ARHGEF7: variants seen among roughly 807,000 people sequenced by gnomAD.
ARHGEF7 encodes the protein Rho guanine nucleotide exchange factor 7.
Under a neutral mutation model 109.8 loss-of-function variants are expected in ARHGEF7, and 33 were observed. The ratio of observed to expected loss-of-function variants is 0.30; its 90% CI spans 0.23 to 0.40. The LOEUF is 0.40. Among genes scored for constraint, ARHGEF7 ranks in the 10% least tolerant of loss-of-function variants. The pLI is 1.00. For missense variants in ARHGEF7, 938 were observed against 1,098.5 expected (o/e 0.85, Z 2.07); for synonymous variants, 458 against 424.6 (o/e 1.08, Z -0.97).
chr13:111,280,284 A>G lies in ARHGEF7; in HGVS notation c.1519A>G (p.Thr507Ala), dbSNP rs773566073. Residue 507 changes from threonine (T) to alanine (A), a missense_variant, in exon 14 of 22, where the codon ACG becomes GCG. By Grantham distance (58) the Thr-to-Ala change is moderately conservative (BLOSUM62 0). Transcript: ENST00000646102. ...GGGTCTTTTTTAGGGAAAGCTTCCAACGACAGGAATGACAATCACAAAGCT... is the reference window on the plus strand; with the variant it reads ...GGGTCTTTTTTAGGGAAAGCTTCCAGCGACAGGAATGACAATCACAAAGCT... Reference protein sequence around the residue: ...SGFIYQGKLPTTGMTITKLED... With the variant: ...SGFIYQGKLPATGMTITKLED... 8 of 1,612,062 alleles carry G rather than the reference A, an allele frequency of 5.0e-6. No individual in the cohort carries two copies. The highest frequency in any genetic ancestry group is 3.3e-5 in the South Asian group (3 of 90,430).
chr13:111,262,993 T>C (rs1400718687), intron 8 of ARHGEF7, among the ~76,000 whole-genome samples: 1 of 152,210 alleles, frequency 6.6e-6, no homozygotes, highest in Non-Finnish European at 1.5e-5. Context: ...TGTCTGCATG[T>C]TATCACACTC....
At chr13:111,165,153 G>C (rs1281386290) in intron 2 of ARHGEF7, among the ~76,000 whole-genome samples, 1 of 152,178 alleles carries the variant, frequency 6.6e-6, no homozygotes, top group African/African-American at 2.4e-5. Flanking sequence ...ACTAGCCAGA[G>C]GATGGGCACT....
chr13:111,278,413 TC>T (rs1440773922), intron 13 of ARHGEF7, among the ~76,000 whole-genome samples: 1 of 152,186 alleles, frequency 6.6e-6, no homozygotes, highest in African/African-American at 2.4e-5. Context: ...AGCCGCCACT[TC>T]GTGTTCTCTG....
chr13:111,117,461 A>C (rs1318068897), intron 1 of ARHGEF7, among the ~76,000 whole-genome samples: 11 of 152,188 alleles, frequency 7.2e-5, no homozygotes, highest in African/African-American at 2.4e-4. Context: ...CCTGAGCTCC[A>C]GTTGGTTTGT....
intron 10 of ARHGEF7, among the ~76,000 whole-genome samples, chr13:111,274,266 A>G (rs2092350791): frequency 6.6e-6 from 1 of 152,250 alleles, no homozygotes; most frequent in South Asian, 2.1e-4. Context: ...TGCATAGGTT[A>G]TAGGGTAATA....
rs2093628993 is a variant in ARHGEF7, at chr13:111,305,109, A to C, written c.*1996A>C. The C allele has an allele frequency of 6.6e-6, 1 of 152,212 alleles. No individual in the cohort carries two copies. Among genetic ancestry groups the C allele is most frequent in the Admixed American group, 6.5e-5 (1 of 15,288 alleles). 9.4% of individuals were successfully genotyped at this position (152,212 alleles called of 1,614,324 possible). ...CCTGCCTTAATGCTCAGATCGAAGT[A>C]TTTCACAAGAATACTTGTGTTTTTA... On this transcript the variant is annotated 3_prime_UTR_variant, in exon 22 of 22. Coordinates refer to ENST00000646102, the MANE Select transcript of ARHGEF7 (RefSeq NM_001354046.2).
rs1028368254 is a variant in ARHGEF7 at position 111,145,104 on chromosome 13, A to G, written c.166-8801A>G. Among the ~76,000 whole-genome samples, 4 of 151,986 alleles carry G rather than the reference A, an allele frequency of 2.6e-5. No homozygotes were observed. ...CCCCACGTTCCCTACCACACCAAAC[A>G]TAACTTGGAGATTGTGACATATCAG... On this transcript the variant is annotated intron_variant, in intron 1 of 21. Coordinates refer to ENST00000646102, the MANE Select transcript of ARHGEF7 (RefSeq NM_001354046.2). This position sits in a 1 kb window ranked among gnomAD's most constrained non-coding sequence, Gnocchi z 4.3.
chr13:111,212,975 GAAATA>G (rs2082678508), intron 4 of ARHGEF7, among the ~76,000 whole-genome samples: 5 of 152,198 alleles, frequency 3.3e-5, no homozygotes, highest in Admixed American at 3.3e-4. Flanking sequence ...ACAGCACTCA[GAAATA>G]GTAAAGTTGG....
intron 6 of ARHGEF7, chr13:111,241,085 G>C: frequency 6.8e-7 from 1 of 1,464,292 alleles, no homozygotes; most frequent in Non-Finnish European, 9.0e-7. Context: ...TAGGGATTGA[G>C]TGGCACCAGT....
At chr13:111,211,187 T>C (rs1359284794) in intron 4 of ARHGEF7, among the ~76,000 whole-genome samples, 1 of 152,220 alleles carries the variant, frequency 6.6e-6, no homozygotes, top group Non-Finnish European at 1.5e-5. Context: ...TGTTGCTGTT[T>C]CCTGCTTTGC....
intron 21 of ARHGEF7, 23 bp downstream of exon 21, chr13:111,301,555 AT>A (rs765091022): frequency 1.1e-5 from 17 of 1,579,462 alleles, no homozygotes; most frequent in East Asian, 2.3e-5. Flanking sequence ...CCATCTTTAA[AT>A]CTTTTTTTTC....
intron 2 of ARHGEF7, among the ~76,000 whole-genome samples, chr13:111,171,920 T>A (rs1301443042): frequency 1.3e-5 from 2 of 152,194 alleles, no homozygotes; most frequent in Non-Finnish European, 2.9e-5. Context: ...TGAGTTCATC[T>A]GTGAAGAAAC....
intron 2 of ARHGEF7, among the ~76,000 whole-genome samples, chr13:111,186,545 CAT>C (rs1447371728): frequency 6.6e-6 from 1 of 152,224 alleles, no homozygotes; most frequent in African/African-American, 2.4e-5. Context: ...CTGTTTTTCA[CAT>C]GTCCCCAACA....
intron 9 of ARHGEF7, among the ~76,000 whole-genome samples, chr13:111,269,209 G>A (rs894197123): frequency 6.6e-6 from 1 of 152,200 alleles, no homozygotes; most frequent in Non-Finnish European, 1.5e-5. Context: ...CTAGTTATGC[G>A]CTATGCCCCT....
At chr13:111,123,469 A>G (rs2067330089) in intron 1 of ARHGEF7, among the ~76,000 whole-genome samples, 1 of 147,930 alleles carries the variant, frequency 6.8e-6, no homozygotes, top group Non-Finnish European at 1.5e-5. Context: ...TACCATGGCC[A>G]TAGATAACAA....
In ARHGEF7 at chr13:111,153,899, T is replaced by A; in HGVS notation, c.166-6T>A. 1 of 1,601,892 alleles carries A rather than the reference T, an allele frequency of 6.2e-7. No homozygotes were observed. The highest frequency in any genetic ancestry group is 8.5e-7 in the Non-Finnish European group (1 of 1,175,914). The stretch of plus-strand genomic sequence containing the variant: ...CGGCGCTCAGCGCTTGTGCTCTGTA[T>A]TGCAGGTCTACCCCGAGCCCCGGAG... On this transcript the variant is annotated splice_polypyrimidine_tract_variant and splice_region_variant and intron_variant, in intron 1 of 21. Transcript: ENST00000646102.
chr13:111,133,710 C>T (rs1388976465), intron 1 of ARHGEF7, among the ~76,000 whole-genome samples: 3 of 144,366 alleles, frequency 2.1e-5, no homozygotes, highest in African/African-American at 7.7e-5. Context: ...GGACACCACC[C>T]CCAGAGTTCC....
In ARHGEF7 at chr13:111,193,496, A is replaced by G. The variant is rs192056262; in HGVS notation, c.253-11793A>G. ...AATGACTCCATAATTTCCTTGTGGT[A>G]TTTAATGGGGGTTCCCTCAGAGGTT... On this transcript the variant is annotated intron_variant, in intron 2 of 21. Transcript: ENST00000646102. 8.5e-5 allele frequency among the ~76,000 whole-genome samples: 13 copies of G among 152,350 alleles called. No homozygotes were observed. In the East Asian group the frequency reaches 1.5e-3, roughly 18 times the overall value.
chr13:111,280,433 T>A, intron 14 of ARHGEF7, 83 bp downstream of exon 14: 1 of 1,584,930 alleles, frequency 6.3e-7, no homozygotes, highest in African/African-American at 1.4e-5. Flanking sequence ...GCTTGCGTAT[T>A]TCAGAAGGTG....
Sources: gnomAD v4.1 joint callset for allele counts (sites outside exome capture counted in the v4.1 genomes callset) on GRCh38, gnomAD v4.1.1 for gene constraint, Gnocchi (gnomAD v3.1) non-coding constraint, MANE v1.5 for transcripts, NCBI Gene and HGNC (gene_info 2026-07-23, HGNC 2026-07-21) for gene names.